The following IGF2R variants were observed in gnomAD, a reference collection of about 807,000 sequenced individuals.
IGF2R encodes the protein insulin like growth factor 2 receptor.
Under a neutral mutation model 270.6 loss-of-function variants are expected in IGF2R, and 91 were observed. The ratio of observed to expected loss-of-function variants is 0.34; its 90% CI spans 0.28 to 0.40. The LOEUF (loss-of-function observed/expected upper bound fraction) is 0.40, where lower values mean the gene tolerates loss of function less well. Among genes scored for constraint, IGF2R ranks in the 10% least tolerant of loss-of-function variants. The probability of loss-of-function intolerance (pLI) is 1.00; values close to 1 mark genes in which losing one functional copy is unlikely to be tolerated. For synonymous variants in IGF2R, 1,316 were observed against 1,258.9 expected (o/e 1.05, Z -0.96); for missense variants, 2,805 against 3,188.3 (o/e 0.88, Z 2.90).
rs114185013 is a variant in IGF2R, at chr6:160,065,437, G to C, written c.4115+536G>C. ...AGTGCAGGTGATTCTGTTTCCTTCCGGCCTTTGTCCTGTTGTGTCATCGGT... is the reference window on the plus strand; with the variant it reads ...AGTGCAGGTGATTCTGTTTCCTTCCCGCCTTTGTCCTGTTGTGTCATCGGT... On this transcript the variant is annotated intron_variant, in intron 29 of 47. Coordinates refer to ENST00000356956, the MANE Select transcript of IGF2R (RefSeq NM_000876.4). Among the ~76,000 whole-genome samples, 862 of 152,186 alleles carry C rather than the reference G, an allele frequency of 5.7e-3. 8 individuals carry two copies. Among genetic ancestry groups the C allele is most frequent in the African/African-American group, 0.02 (833 of 41,518 alleles).
chr6:160,068,488 T>C, intron 30 of IGF2R, 103 bp downstream of exon 30: 1 of 1,516,746 alleles, frequency 6.6e-7, no homozygotes, highest in South Asian at 1.2e-5. Flanking sequence ...GTAGTGAGTG[T>C]ATCACAGGCT....
chr6:160,023,645 A>G (rs368609097), intron 4 of IGF2R, among the ~76,000 whole-genome samples: 1 of 152,194 alleles, frequency 6.6e-6, no homozygotes, highest in Admixed American at 6.5e-5. Context: ...ATGGTCATGC[A>G]AAGTGTTCAT....
chr6:160,066,184 T>C (rs1161089280), intron 29 of IGF2R, among the ~76,000 whole-genome samples: 1 of 151,826 alleles, frequency 6.6e-6, no homozygotes, highest in African/African-American at 2.4e-5. Context: ...CTGGCGAATT[T>C]TTTTGTATTT....
chr6:160,050,690 C>T lies in IGF2R; in HGVS notation c.2694+38C>T, dbSNP rs1778177117. On this transcript the variant is annotated intron_variant, in intron 19 of 47. Coordinates refer to ENST00000356956, the MANE Select transcript of IGF2R (RefSeq NM_000876.4). This position sits in a 1 kb window ranked among gnomAD's most constrained non-coding sequence, Gnocchi z 4.0. ...TGCTGGCTGGTGACCTTCACTGCTG[C>T]ATTTTTTGACTGAGCGTTGCCTTAT... 1 of 1,551,788 alleles carries T rather than the reference C, an allele frequency of 6.4e-7. No individual in the cohort carries two copies. The highest frequency in any genetic ancestry group is 1.4e-5 in the African/African-American group (1 of 73,678).
At position 160,088,117 on chromosome 6, in the gene IGF2R, C is replaced by A; in HGVS notation, c.6290C>A (p.Thr2097Lys). The change falls in exon 42 of 48, where the codon ACA becomes AAA. Residue 2097 changes from threonine (T) to lysine (K), a missense_variant. Coordinates refer to ENST00000356956, the MANE Select transcript of IGF2R (RefSeq NM_000876.4). ...TCCTCCGTGATAGAATTGACCTGTA[C>A]AAAGACGGTGGGCAGACCTGCATTC... ...TASSVIELTC[T>K]KTVGRPAFKR... 6.2e-7 allele frequency: 1 copy of A among 1,612,876 alleles called. No homozygotes were observed. Among genetic ancestry groups the A allele is most frequent in the Non-Finnish European group, 8.5e-7 (1 of 1,178,880 alleles).
At chr6:160,035,990 C>T (rs1777812789) in intron 10 of IGF2R, among the ~76,000 whole-genome samples, 1 of 152,122 alleles carries the variant, frequency 6.6e-6, no homozygotes, top group South Asian at 2.1e-4. Flanking sequence ...GGCCTCCAGA[C>T]ATTCAAAGGC....
chr6:160,060,409 G>T, intron 22 of IGF2R, 138 bp from the exon 23 acceptor site: 2 of 761,266 alleles, frequency 2.6e-6, no homozygotes, highest in South Asian at 1.7e-5. Context: ...CACACTTGGT[G>T]CCCTGGTGTC....
At chr6:160,063,729 A>T in intron 27 of IGF2R, 99 bp downstream of exon 27, 1 of 798,738 alleles carries the variant, frequency 1.3e-6, no homozygotes, top group Non-Finnish European at 2.0e-6. Context: ...CAGAAACATG[A>T]GTGTTCTACT....
intron 1 of IGF2R, among the ~76,000 whole-genome samples, chr6:159,986,431 T>TGTGTG (rs1554235468): frequency 2.6e-3 from 190 of 74,084 alleles, no homozygotes; most frequent in African/African-American, 6.9e-3. Flanking sequence ...TGTGTGTGTG[T>TGTGTG]TTTTTTTTTT....
chr6:160,059,126 G>C (rs372447074), intron 22 of IGF2R, 28 bp downstream of exon 22: 3 of 1,594,446 alleles, frequency 1.9e-6, no homozygotes, highest in East Asian at 2.2e-5. Flanking sequence ...TTGTTTTGTA[G>C]CTAAAAAGGG....
In IGF2R at chr6:160,053,413, T is replaced by TA. The variant is rs545192579; in HGVS notation, c.2694+2768dup. Among the ~76,000 whole-genome samples, 863 of 151,898 alleles carry TA rather than the reference T, an allele frequency of 5.7e-3. 11 individuals carry two copies. The highest frequency in any genetic ancestry group is 0.019 in the African/African-American group (797 of 41,394). The stretch of plus-strand genomic sequence containing the variant: ...ATGTACCCTAGAACTTAACATATAA[T>TA]AAAAAAAGGTATTAAAAATAATAAT... On this transcript the variant is annotated intron_variant, in intron 19 of 47. Coordinates refer to ENST00000356956, the MANE Select transcript of IGF2R (RefSeq NM_000876.4).
At chr6:160,005,460 G>A (rs1784205179) in intron 2 of IGF2R, 2 of 152,160 alleles carry the variant, frequency 1.3e-5, no homozygotes, top group Admixed American at 1.3e-4. Flanking sequence ...CGAGGAAGCC[G>A]GCGAGGAGTG....
At chr6:160,018,826 G>T (rs1014672887) in intron 4 of IGF2R, among the ~76,000 whole-genome samples, 4 of 152,138 alleles carry the variant, frequency 2.6e-5, no homozygotes, top group Non-Finnish European at 5.9e-5. Flanking sequence ...GCAGGGCTAA[G>T]TGGGAAGTTT....
intron 29 of IGF2R, among the ~76,000 whole-genome samples, chr6:160,065,782 ATGTG>A (rs57759831): frequency 0.018 from 1,704 of 93,108 alleles, 22 homozygotes; most frequent in Non-Finnish European, 0.028. Flanking sequence ...AGATATGTGT[ATGTG>A]TGTGTGTGTG....
At chr6:160,048,704 G>T (rs970802520) in intron 18 of IGF2R, among the ~76,000 whole-genome samples, 161 bp downstream of exon 18, 1 of 152,248 alleles carries the variant, frequency 6.6e-6, no homozygotes, top group African/African-American at 2.4e-5. Flanking sequence ...TCTGCCTCCT[G>T]TAGGAGCAGA....
rs1353397295 is a variant in IGF2R at position 160,059,066 on chromosome 6, C to T, written c.3059C>T (p.Thr1020Ile). 1 of 1,614,188 alleles carries T rather than the reference C, an allele frequency of 6.2e-7. No homozygotes were observed. Residue 1020 changes from threonine (T) to isoleucine (I), a missense_variant, in exon 22 of 48, where the codon ACT becomes ATT. This residue lies in a region of IGF2R where 1,851 missense variants were observed against 2,207.2 expected (regional missense o/e 0.84). Coordinates refer to ENST00000356956, the MANE Select transcript of IGF2R (RefSeq NM_000876.4). ...SLQLSTEGFITLTYKGPLSAK... is the reference protein window; with the variant it reads ...SLQLSTEGFIILTYKGPLSAK... ...CAGCTGTCCACAGAGGGCTTCATCA[C>T]TCTGACCTACAAAGGGCCTCTCTCT...
At chr6:159,979,412 C>T (rs775116702) in intron 1 of IGF2R, among the ~76,000 whole-genome samples, 1 of 152,200 alleles carries the variant, frequency 6.6e-6, no homozygotes, top group Non-Finnish European at 1.5e-5. Context: ...CTGAGGCACC[C>T]TGCCTCCACC....
At position 160,105,332 on chromosome 6, in the gene IGF2R, C is replaced by T. The variant is rs983618962; in HGVS notation, c.*248C>T. The T allele has an allele frequency of 6.7e-6, 3 of 446,456 alleles. No homozygotes were observed. The highest frequency in any genetic ancestry group is 1.2e-5 in the Non-Finnish European group (3 of 252,446). The allele number at this position is 446,456 out of a possible 1,614,324, so 27.7% of individuals were successfully genotyped here. ...CGGTACCTTGTGCCCAGGGTTTTGC[C>T]CCAAGTCCTCATTTAAAAGCATAAG... On this transcript the variant is annotated 3_prime_UTR_variant, in exon 48 of 48. Transcript: ENST00000356956.
chr6:160,036,370 G>A (rs1777824761), intron 10 of IGF2R, among the ~76,000 whole-genome samples: 1 of 152,004 alleles, frequency 6.6e-6, no homozygotes, highest in African/African-American at 2.4e-5. Context: ...CAGTCCCCAG[G>A]GATGCAGCCT....
Sources: allele counts gnomAD v4.1 joint callset (sites outside exome capture counted in the v4.1 genomes callset), GRCh38; gene constraint gnomAD v4.1.1; regional missense constraint gnomAD v4.1.1; non-coding constraint Gnocchi (gnomAD v3.1); transcripts MANE v1.5; gene names NCBI Gene and HGNC (gene_info 2026-07-23, HGNC 2026-07-21).